GTF3C2: variants seen among roughly 807,000 people sequenced by gnomAD.
GTF3C2 encodes general transcription factor IIIC subunit 2.
In GTF3C2, 17 loss-of-function variants were observed where a neutral mutation model predicts 117.4. The observed-to-expected ratio is 0.14, with a 90% CI of 0.10 to 0.22. The LOEUF is 0.22. Ranked by LOEUF, GTF3C2 falls within the 10% of genes least tolerant of loss-of-function variation. The probability of loss-of-function intolerance (pLI) is 1.00; values close to 1 mark genes in which losing one functional copy is unlikely to be tolerated. For synonymous variants in GTF3C2, 437 were observed against 427.0 expected, an observed-to-expected ratio of 1.02 and a Z score of -0.29; for missense variants, 888 against 1,143.6, an observed-to-expected ratio of 0.78 and a Z score of 3.22.
chr2:27,327,950 G>A (rs1265123700), intron 17 of GTF3C2, 87 bp downstream of exon 17: 1 of 1,117,434 alleles, frequency 8.9e-7, no homozygotes, highest in East Asian at 2.5e-5. Context: ...TTACATCTTT[G>A]TGCTGAACTC....
At chr2:27,343,889 A>C (rs890414653) in intron 1 of GTF3C2, among the ~76,000 whole-genome samples, 1 of 151,868 alleles carries the variant, frequency 6.6e-6, no homozygotes, top group African/African-American at 2.4e-5. Context: ...CTAGCAAAAT[A>C]AAATAAAATA....
At chr2:27,332,309 C>A (rs755949015) in intron 12 of GTF3C2, among the ~76,000 whole-genome samples, 9 of 152,062 alleles carry the variant, frequency 5.9e-5, no homozygotes, top group African/African-American at 1.9e-4. Context: ...CCATGCCTGG[C>A]TGATCCCATT....
intron 1 of GTF3C2, among the ~76,000 whole-genome samples, chr2:27,354,314 G>A (rs1190530074): frequency 6.6e-6 from 1 of 151,784 alleles, no homozygotes; most frequent in East Asian, 1.9e-4. Context: ...AATGACTCTT[G>A]GCAAGCATTC....
At chr2:27,343,000 G>C (rs1324637604) in exon 3 of GTF3C2, 1 of 1,614,210 alleles carries the variant, frequency 6.2e-7, no homozygotes, top group East Asian at 2.2e-5. Context: ...CAGAGGGTTG[G>C]ATTGATCTAA....
intron 1 of GTF3C2, among the ~76,000 whole-genome samples, chr2:27,348,001 T>A (rs1031751087): frequency 6.6e-6 from 1 of 152,120 alleles, no homozygotes; most frequent in African/African-American, 2.4e-5. Flanking sequence ...CCAGGTGCAG[T>A]GGCTCACGCC....
At chr2:27,346,845 C>A (rs1680934118) in intron 1 of GTF3C2, among the ~76,000 whole-genome samples, 1 of 151,974 alleles carries the variant, frequency 6.6e-6, no homozygotes, top group African/African-American at 2.4e-5. Context: ...CAAATGTGCA[C>A]CAATACGCCC....
At chr2:27,355,107 C>T (rs1336957040) in intron 1 of GTF3C2, among the ~76,000 whole-genome samples, 4 of 152,152 alleles carry the variant, frequency 2.6e-5, no homozygotes, top group South Asian at 2.1e-4. Context: ...TTTTAATTTT[C>T]GCCAATCTGA....
chr2:27,326,341 G>A, exon 19 of GTF3C2: 1 of 466,552 alleles, frequency 2.1e-6, no homozygotes, highest in South Asian at 1.9e-5. Flanking sequence ...AAAACACCCA[G>A]TACCTTTACT....
At chr2:27,326,979 T>C in intron 18 of GTF3C2, 86 bp from the exon 19 acceptor site, 4 of 779,760 alleles carry the variant, frequency 5.1e-6, no homozygotes, top group Non-Finnish European at 6.2e-6. Context: ...AAAAAAAAAA[T>C]GAGCCACAAT....
chr2:27,327,920 C>T, intron 17 of GTF3C2, 117 bp downstream of exon 17: 3 of 789,006 alleles, frequency 3.8e-6, no homozygotes, highest in Non-Finnish European at 6.0e-6. Flanking sequence ...GCCACTGCAC[C>T]TGGCCGAGGC....
At position 27,329,183 on chromosome 2, in the gene GTF3C2, T is replaced by A; in HGVS notation, c.1977A>T (p.Thr659=). 6.2e-7 allele frequency: 1 copy of A among 1,614,156 alleles called. No individual in the cohort carries two copies. The highest frequency in any genetic ancestry group is 8.5e-7 in the Non-Finnish European group (1 of 1,180,010). Reference sequence around the variant, plus strand: ...TGTAGGGAAGCAGCCAGGCCAGTTCTGTACTCAAGAAGCGCTTGATAGAGT... The same window carrying A: ...TGTAGGGAAGCAGCCAGGCCAGTTCAGTACTCAAGAAGCGCTTGATAGAGT... The change falls in exon 14 of 19, where the codon ACA becomes ACT. Residue 659 remains threonine, a synonymous_variant. Transcript: ENST00000264720. This position sits in a 1 kb window ranked among gnomAD's most constrained non-coding sequence, Gnocchi z 4.5.
chr2:27,327,125 G>T (rs2148236980), intron 18 of GTF3C2, 52 bp downstream of exon 18: 6 of 992,812 alleles, frequency 6.0e-6, no homozygotes, highest in Non-Finnish European at 7.9e-6. Flanking sequence ...TCAGCCCCAG[G>T]CCCAGAACTG....
exon 19 of GTF3C2, chr2:27,326,180 G>A (rs1307699276): frequency 4.2e-6 from 2 of 471,028 alleles, no homozygotes; most frequent in Admixed American, 2.4e-5. Flanking sequence ...TCAGTCTCAC[G>A]AATTACTATC....
rs1680092993 is a variant in GTF3C2 at position 27,326,908 on chromosome 2, G to C, written c.2518-15C>G. On this transcript the variant is annotated splice_polypyrimidine_tract_variant and intron_variant, in intron 18 of 18. Transcript: ENST00000264720. ...CTGAAACGTACCTGTGAAGAGAACA[G>C]AAAACAAGAGAGAGATGCTCATGGG... 6.5e-7 allele frequency: 1 copy of C among 1,543,914 alleles called. No homozygotes were observed. The highest frequency in any genetic ancestry group is 9.0e-7 in the Non-Finnish European group (1 of 1,117,254).
chr2:27,353,152 T>C (rs191165450), intron 1 of GTF3C2, among the ~76,000 whole-genome samples: 1 of 152,276 alleles, frequency 6.6e-6, no homozygotes, highest in Non-Finnish European at 1.5e-5. Context: ...CTCAGCACTT[T>C]GGGAGACTGA....
chr2:27,333,935 A>C, intron 11 of GTF3C2, 39 bp downstream of exon 11: 1 of 1,533,776 alleles, frequency 6.5e-7, no homozygotes, highest in Non-Finnish European at 9.0e-7. Context: ...GGCTCTAAGA[A>C]GATGGAGCCT....
exon 19 of GTF3C2, chr2:27,326,675 C>A: frequency 6.2e-7 from 1 of 1,611,572 alleles, no homozygotes; most frequent in Non-Finnish European, 8.5e-7. Flanking sequence ...TGGGCCAAGG[C>A]TAGGGAGTGG....
At chr2:27,348,979 G>T (rs1451978010) in intron 1 of GTF3C2, among the ~76,000 whole-genome samples, 1 of 151,744 alleles carries the variant, frequency 6.6e-6, no homozygotes, top group Non-Finnish European at 1.5e-5. Flanking sequence ...TAGGATTACA[G>T]GCGGCCGCCA....
At position 27,328,365 on chromosome 2, in the gene GTF3C2, A is replaced by G. The variant is rs1484398336; in HGVS notation, c.2256+103T>C. 4.0e-6 allele frequency: 5 copies of G among 1,245,432 alleles called. No individual in the cohort carries two copies. The African/African-American group carries it at 5.9e-5, about 15-fold the overall frequency. The allele number at this position is 1,245,432 out of a possible 1,614,324, so 77.1% of individuals were successfully genotyped here. ...CAACTCTGTGCTAAGATTTTCTGGG[A>G]TATCAGGGCCGGGAGACCTGACACT... On this transcript the variant is annotated intron_variant, in intron 16 of 18. Coordinates refer to ENST00000264720, the Ensembl canonical transcript of GTF3C2.
Sources: allele counts gnomAD v4.1 joint callset (sites outside exome capture counted in the v4.1 genomes callset), GRCh38; gene constraint gnomAD v4.1.1; non-coding constraint Gnocchi (gnomAD v3.1); transcripts MANE v1.5; gene names NCBI Gene and HGNC (gene_info 2026-07-23, HGNC 2026-07-21).